PCDHGA5: variants seen among roughly 807,000 people sequenced by gnomAD.
The protein encoded by PCDHGA5 is protocadherin gamma-A5.
In PCDHGA5, 36 loss-of-function variants were observed where a neutral mutation model predicts 56.7. The ratio of observed to expected loss-of-function variants is 0.64; its 90% CI spans 0.49 to 0.84. The LOEUF is 0.84. Ranked by LOEUF, PCDHGA5 falls within the 40% of genes least tolerant of loss-of-function variation. The probability of loss-of-function intolerance (pLI) is 0.00; values close to 1 mark genes in which losing one functional copy is unlikely to be tolerated. For synonymous variants in PCDHGA5, 563 were observed against 520.2 expected (o/e 1.08, Z -1.12); for missense variants, 1,305 against 1,201.5 (o/e 1.09, Z -1.27).
chr5:141,408,655 A>G (rs778418746), intron 1 of PCDHGA5: 1 of 1,613,928 alleles, frequency 6.2e-7, no homozygotes, highest in African/African-American at 1.3e-5. Flanking sequence ...CTGGTACACG[A>G]CTATCGCTTG....
chr5:141,390,523 G>T, intron 1 of PCDHGA5: 1 of 556,304 alleles, frequency 1.8e-6, no homozygotes, highest in South Asian at 2.2e-5. Context: ...AGCAATGAGG[G>T]TGTGGTTTTA....
In PCDHGA5 at chr5:141,493,482, G is replaced by T. The variant is rs184736387; in HGVS notation, c.2422-1325G>T. The stretch of plus-strand genomic sequence containing the variant: ...TTTTAGGACCTTACATGTGGGGAAA[G>T]TCTTCTGTGGCTCCTCATTTCTGAG... On this transcript the variant is annotated intron_variant, in intron 1 of 3. Coordinates refer to ENST00000518069, the MANE Select transcript of PCDHGA5 (RefSeq NM_018918.3). The surrounding 1 kb of genome is among the most constrained non-coding windows in gnomAD (Gnocchi z 4.3). 6.6e-6 allele frequency among the ~76,000 whole-genome samples: 1 copy of T among 152,206 alleles called. No individual in the cohort carries two copies. Among genetic ancestry groups the T allele is most frequent in the Admixed American group, 6.5e-5 (1 of 15,282 alleles).
chr5:141,423,184 C>G (rs747938944), intron 1 of PCDHGA5: 3 of 1,613,560 alleles, frequency 1.9e-6, no homozygotes, highest in Non-Finnish European at 2.5e-6. Context: ...CCACGGCCAG[C>G]CCCCTCTCTC....
intron 1 of PCDHGA5, chr5:141,371,995 C>G: frequency 1.2e-6 from 2 of 1,613,264 alleles, no homozygotes; most frequent in Non-Finnish European, 1.7e-6. Context: ...ACTCTGCAGG[C>G]CCGCGACCAG....
In PCDHGA5 at chr5:141,404,612, G is replaced by A. The variant is rs774633321; in HGVS notation, c.2421+37861G>A. 2 of 1,614,110 alleles carry A rather than the reference G, an allele frequency of 1.2e-6. No homozygotes were observed. The highest frequency in any genetic ancestry group is 3.3e-5 in the Admixed American group (2 of 60,022). ...TGTGTCATTGAGACTGTTTGTTTTG[G>A]ACCAGAATGACAATGCCCCAGAAAT... On this transcript the variant is annotated intron_variant, in intron 1 of 3. Transcript: ENST00000518069.
intron 1 of PCDHGA5, among the ~76,000 whole-genome samples, chr5:141,402,058 TA>T: frequency 6.6e-6 from 1 of 152,304 alleles, no homozygotes; most frequent in South Asian, 2.1e-4. Flanking sequence ...ATATTCACAT[TA>T]AAAAACTAAG....
intron 1 of PCDHGA5, chr5:141,419,076 C>G: frequency 6.2e-7 from 1 of 1,613,956 alleles, no homozygotes; most frequent in Non-Finnish European, 8.5e-7. Context: ...AAGCTAGTAA[C>G]AGATGAGGCC....
At position 141,485,287 on chromosome 5, in the gene PCDHGA5, G is replaced by A. The variant is rs1396496143; in HGVS notation, c.2422-9520G>A. 5.0e-6 allele frequency: 8 copies of A among 1,614,064 alleles called. No individual in the cohort carries two copies. The highest frequency in any genetic ancestry group is 6.8e-6 in the Non-Finnish European group (8 of 1,180,002). On this transcript the variant is annotated intron_variant, in intron 1 of 3. Transcript: ENST00000518069. The surrounding 1 kb of genome is among the most constrained non-coding windows in gnomAD (Gnocchi z 5.7). ...AGATCCGCTACCCGGTCCCAGAGGA[G>A]TCACAGGAAGGGACTTTTGTAGGGA...
intron 1 of PCDHGA5, chr5:141,440,723 T>C (rs2098196558): frequency 6.6e-6 from 1 of 152,178 alleles, no homozygotes; most frequent in Non-Finnish European, 1.5e-5. Flanking sequence ...GTTGATCCTG[T>C]GTTAGAGAAG....
chr5:141,366,266 G>T lies in PCDHGA5; in HGVS notation c.1936G>T (p.Val646Phe), dbSNP rs1014933070. The change falls in exon 1 of 4, where the codon GTC becomes TTC. Residue 646 changes from valine (V) to phenylalanine (F), a missense_variant. Coordinates refer to ENST00000518069, the MANE Select transcript of PCDHGA5 (RefSeq NM_018918.3). ...DALKQSLVVA[V>F]EDHGQPPLSA... Reference sequence around the variant, plus strand: ...GCTCAAGCAGAGCCTCGTGGTGGCCGTCGAAGACCATGGCCAGCCCCCTCT... The same window carrying T: ...GCTCAAGCAGAGCCTCGTGGTGGCCTTCGAAGACCATGGCCAGCCCCCTCT... The T allele has an allele frequency of 6.2e-7, 1 of 1,613,562 alleles. No individual in the cohort carries two copies.
chr5:141,433,262 T>C (rs2097580507), intron 1 of PCDHGA5: 1 of 1,339,318 alleles, frequency 7.5e-7, no homozygotes, highest in Non-Finnish European at 1.0e-6. Context: ...GGTACGATCA[T>C]AGCTCACTGC....
At chr5:141,376,640 T>TA in intron 1 of PCDHGA5, 1 of 1,130,380 alleles carries the variant, frequency 8.8e-7, no homozygotes, top group Non-Finnish European at 1.2e-6. Context: ...CGTGATTTTG[T>TA]AAAGTGGAAG....
In PCDHGA5 at chr5:141,481,621, C is replaced by T. The variant is rs533294863; in HGVS notation, c.2422-13186C>T. Among the ~76,000 whole-genome samples the T allele has an allele frequency of 3.9e-5, 6 of 152,198 alleles. 1 individual carries two copies. Among genetic ancestry groups the T allele is most frequent in the East Asian group, 3.9e-4 (2 of 5,172 alleles). Reference sequence around the variant, plus strand: ...TCACCTGAGGCCAGGAGTTCAAGACCGGCCTGGCCAACATGGTGAAACTTC... The same window carrying T: ...TCACCTGAGGCCAGGAGTTCAAGACTGGCCTGGCCAACATGGTGAAACTTC... On this transcript the variant is annotated intron_variant, in intron 1 of 3. Transcript: ENST00000518069.
chr5:141,383,513 A>T, intron 1 of PCDHGA5: 1 of 1,612,722 alleles, frequency 6.2e-7, no homozygotes, highest in South Asian at 1.1e-5. Flanking sequence ...CGGGAGGAAG[A>T]GCGGGTTCAC....
At chr5:141,384,110 T>A in intron 1 of PCDHGA5, 1 of 1,604,780 alleles carries the variant, frequency 6.2e-7, no homozygotes, top group Non-Finnish European at 8.5e-7. Context: ...TATTATAGAT[T>A]GGTCACAACC....
intron 1 of PCDHGA5, among the ~76,000 whole-genome samples, chr5:141,443,323 A>AG (rs1262238603): frequency 1.3e-5 from 2 of 151,732 alleles, no homozygotes; most frequent in African/African-American, 4.9e-5. Context: ...TCTACAAAAA[A>AG]AAAAAACAAA....
At chr5:141,481,919 A>C (rs1488201177) in intron 1 of PCDHGA5, among the ~76,000 whole-genome samples, 1 of 151,214 alleles carries the variant, frequency 6.6e-6, no homozygotes, top group Non-Finnish European at 1.5e-5. Context: ...ATCTCAAAAA[A>C]AAAAAAAAAA....
At chr5:141,463,725 C>T (rs1259646105) in intron 1 of PCDHGA5, among the ~76,000 whole-genome samples, 2 of 152,026 alleles carry the variant, frequency 1.3e-5, no homozygotes, top group Non-Finnish European at 1.5e-5. Context: ...GGATTACAGG[C>T]ATGAGCCACC....
At chr5:141,375,879 G>C in intron 1 of PCDHGA5, 1 of 1,613,144 alleles carries the variant, frequency 6.2e-7, no homozygotes, top group Non-Finnish European at 8.5e-7. Flanking sequence ...AGAGACTCGG[G>C]CCAGAACGCC....
Sources: allele counts gnomAD v4.1 joint callset (sites outside exome capture counted in the v4.1 genomes callset), GRCh38; gene constraint gnomAD v4.1.1; non-coding constraint Gnocchi (gnomAD v3.1); transcripts MANE v1.5; gene names NCBI Gene and HGNC (gene_info 2026-07-23, HGNC 2026-07-21).